Variants in PARP8 observed in about 807,000 individuals in gnomAD.
PARP8 encodes the protein poly(ADP-ribose) polymerase family member 8.
In PARP8, 51 loss-of-function variants were observed where a neutral mutation model predicts 124.1. The observed-to-expected ratio is 0.41, with a 90% CI of 0.33 to 0.52. The LOEUF (loss-of-function observed/expected upper bound fraction) is 0.52, where lower values mean the gene tolerates loss of function less well. PARP8 is among the 20% of genes least tolerant of loss of function. The pLI is 0.21. For missense variants in PARP8, 860 were observed against 1,018.9 expected (o/e 0.84, Z 2.12); for synonymous variants, 391 against 361.5 (o/e 1.08, Z -0.93).
At chr5:50,780,855 T>G (rs1740589618) in intron 9 of PARP8, among the ~76,000 whole-genome samples, 1 of 152,224 alleles carries the variant, frequency 6.6e-6, no homozygotes, top group South Asian at 2.1e-4. Flanking sequence ...ATTTTGTGCC[T>G]GAAGTATTTT....
At chr5:50,742,438 G>A (rs1428427221) in intron 2 of PARP8, among the ~76,000 whole-genome samples, 1 of 152,144 alleles carries the variant, frequency 6.6e-6, no homozygotes, top group Non-Finnish European at 1.5e-5. Context: ...AGATTACAAG[G>A]ACAGATAATT....
At chr5:50,717,192 C>T (rs1269135490) in intron 2 of PARP8, among the ~76,000 whole-genome samples, 1 of 151,522 alleles carries the variant, frequency 6.6e-6, no homozygotes, top group Non-Finnish European at 1.5e-5. Context: ...TTTGGAAAAA[C>T]GAAGTTAACA....
chr5:50,748,710 T>G (rs1184337619), intron 2 of PARP8, among the ~76,000 whole-genome samples: 1 of 152,204 alleles, frequency 6.6e-6, no homozygotes, highest in East Asian at 1.9e-4. Context: ...TATCACTGTT[T>G]CCTTGTGTGT....
At chr5:50,756,186 T>G (rs762155948) in intron 3 of PARP8, among the ~76,000 whole-genome samples, 10 of 151,932 alleles carry the variant, frequency 6.6e-5, no homozygotes, top group African/African-American at 9.7e-5. Flanking sequence ...TTTCTCCTGC[T>G]TGATTGCCCT....
intron 14 of PARP8, among the ~76,000 whole-genome samples, chr5:50,804,808 T>A (rs1243100178): frequency 3.3e-5 from 5 of 152,182 alleles, no homozygotes; most frequent in African/African-American, 1.2e-4. Flanking sequence ...TGTTTAGAAA[T>A]AGCTCCGAGA....
chr5:50,685,502 C>A (rs2149451486), intron 2 of PARP8, among the ~76,000 whole-genome samples: 1 of 152,322 alleles, frequency 6.6e-6, no homozygotes, highest in East Asian at 1.9e-4. Flanking sequence ...GGTGTAAATT[C>A]CATGTCCCAT....
chr5:50,749,506 T>C (rs1580194454), intron 2 of PARP8, among the ~76,000 whole-genome samples: 1 of 152,222 alleles, frequency 6.6e-6, no homozygotes, highest in East Asian at 1.9e-4. Context: ...GGTAAGTACA[T>C]AGAGGCAGCA....
At position 50,824,928 on chromosome 5, in the gene PARP8, G is replaced by A. The variant is rs1387037481; in HGVS notation, c.1881G>A (p.Lys627=). ...TTCAGGCACCATATCTGGAAATCAAGAAGCAAATGGATAAACAGGACCCCC... is the reference window on the plus strand; with the variant it reads ...TTCAGGCACCATATCTGGAAATCAAAAAGCAAATGGATAAACAGGACCCCC... The part of the protein sequence containing the change: ...EMTQAPYLEI[K]KQMDKQDPLA... Residue 627 remains lysine (K), a synonymous_variant, in exon 18 of 26, where the codon AAG becomes AAA. Transcript: ENST00000281631. The A allele has an allele frequency of 6.2e-7, 1 of 1,613,156 alleles. No homozygotes were observed. The highest frequency in any genetic ancestry group is 8.5e-7 in the Non-Finnish European group (1 of 1,179,330).
chr5:50,741,430 T>C (rs1347999700), intron 2 of PARP8, among the ~76,000 whole-genome samples: 1 of 152,180 alleles, frequency 6.6e-6, no homozygotes, highest in Non-Finnish European at 1.5e-5. Flanking sequence ...CTCACTTGCT[T>C]TTAAAAATAC....
chr5:50,785,002 TTTA>T (rs1226646987), intron 9 of PARP8, among the ~76,000 whole-genome samples: 6 of 152,090 alleles, frequency 3.9e-5, no homozygotes, highest in African/African-American at 1.4e-4. Flanking sequence ...TGTTTCTCTG[TTTA>T]TTAACATCTT....
Position 50,778,049 on chromosome 5 carries a change from G to T in PARP8, c.519-20G>T. 1.3e-6 allele frequency: 2 copies of T among 1,579,000 alleles called. No homozygotes were observed. The highest frequency in any genetic ancestry group is 2.3e-5 in the South Asian group (2 of 86,414). On this transcript the variant is annotated intron_variant, in intron 7 of 25. Transcript: ENST00000281631. Reference sequence around the variant, plus strand: ...AAGCATCATTAAAATGAAAAAAACAGTGTTAATTTTTGCTTTCAGGGAATA... The same window carrying T: ...AAGCATCATTAAAATGAAAAAAACATTGTTAATTTTTGCTTTCAGGGAATA...
intron 10 of PARP8, among the ~76,000 whole-genome samples, chr5:50,790,703 T>G (rs1561384451): frequency 6.6e-6 from 1 of 152,150 alleles, no homozygotes; most frequent in East Asian, 1.9e-4. Flanking sequence ...TAATCCCAAC[T>G]CTGAGAAATT....
rs138388771 is a variant in PARP8, at chr5:50,753,079, G to A, written c.184+2891G>A. 3.3e-4 allele frequency among the ~76,000 whole-genome samples: 50 copies of A among 152,024 alleles called. 1 individual carries two copies. The East Asian group carries it at 7.1e-3, about 22-fold the overall frequency. ...TCATGATTAAGTGAAGAAATAGAGA[G>A]GCCTTGTGATTTACTTGTACTTCTT... On this transcript the variant is annotated intron_variant, in intron 3 of 25. Transcript: ENST00000281631.
At chr5:50,731,496 A>G (rs1193884302) in intron 2 of PARP8, among the ~76,000 whole-genome samples, 3 of 152,178 alleles carry the variant, frequency 2.0e-5, no homozygotes, top group Admixed American at 6.5e-5. Flanking sequence ...TTTATATGCT[A>G]AAGAAGAAAG....
chr5:50,793,129 A>G (rs1269881959), intron 10 of PARP8, among the ~76,000 whole-genome samples: 2 of 152,184 alleles, frequency 1.3e-5, no homozygotes, highest in Admixed American at 1.3e-4. Flanking sequence ...TACTCTGAAA[A>G]TTAGAGGCAA....
At chr5:50,741,234 T>C (rs185067033) in intron 2 of PARP8, among the ~76,000 whole-genome samples, 21 of 152,314 alleles carry the variant, frequency 1.4e-4, no homozygotes, top group African/African-American at 4.8e-4. Context: ...ATAATATTTA[T>C]ATAATTAATT....
intron 2 of PARP8, among the ~76,000 whole-genome samples, chr5:50,686,599 A>C (rs1194007991): frequency 6.6e-6 from 1 of 152,208 alleles, no homozygotes; most frequent in African/African-American, 2.4e-5. Flanking sequence ...ACACTGCCCT[A>C]GCAGAGGTTC....
At chr5:50,817,208 T>G (rs1206559260) in intron 15 of PARP8, among the ~76,000 whole-genome samples, 1 of 152,198 alleles carries the variant, frequency 6.6e-6, no homozygotes, top group Non-Finnish European at 1.5e-5. Flanking sequence ...CATCATAAAA[T>G]TAATGGTTTT....
chr5:50,803,379 T>C (rs1340972271), intron 14 of PARP8, among the ~76,000 whole-genome samples: 2 of 152,188 alleles, frequency 1.3e-5, no homozygotes, highest in Non-Finnish European at 2.9e-5. Flanking sequence ...TCTAATGAAT[T>C]TGAGATGTTT....
Sources: gnomAD v4.1 joint callset for allele counts (sites outside exome capture counted in the v4.1 genomes callset) on GRCh38, gnomAD v4.1.1 for gene constraint, MANE v1.5 for transcripts, NCBI Gene and HGNC (gene_info 2026-07-23, HGNC 2026-07-21) for gene names.